LOXL2: variants seen among roughly 807,000 people sequenced by gnomAD.
The protein encoded by LOXL2 is lysyl oxidase like 2.
LOXL2 carries 70 observed loss-of-function variants against 93.0 expected under a neutral mutation model. The observed-to-expected ratio is 0.75, with a 90% CI of 0.62 to 0.92. LOXL2 has a LOEUF of 0.92. Ranked by LOEUF, LOXL2 falls within the 40% of genes least tolerant of loss-of-function variation. LOXL2 has a pLI of 0.00. For synonymous variants in LOXL2, 438 were observed against 413.2 expected (o/e 1.06, Z -0.73); for missense variants, 973 against 1,054.9 (o/e 0.92, Z 1.08).
chr8:23,342,650 C>G (rs1803902183), intron 3 of LOXL2, among the ~76,000 whole-genome samples: 1 of 152,184 alleles, frequency 6.6e-6, no homozygotes, highest in Non-Finnish European at 1.5e-5. Context: ...CCAGGATGGT[C>G]TCGATTTCCT....
chr8:23,317,310 G>C (rs79320561), intron 8 of LOXL2, among the ~76,000 whole-genome samples, 196 bp from the exon 9 acceptor site: 104,005 of 151,886 alleles, frequency 0.68, 36,184 homozygotes, highest in Non-Finnish European at 0.75. Context: ...GGTCTCCTGA[G>C]TGTAGCACTT....
chr8:23,392,143 C>T (rs1804854333), intron 1 of LOXL2, among the ~76,000 whole-genome samples: 1 of 152,210 alleles, frequency 6.6e-6, no homozygotes, highest in Admixed American at 6.5e-5. Context: ...GACAGCCAAA[C>T]CCAGAGAACC....
Position 23,316,929 on chromosome 8 carries a change from G to T in LOXL2, c.1636+20C>A. On this transcript the variant is annotated intron_variant, in intron 9 of 13. Coordinates refer to ENST00000389131, the MANE Select transcript of LOXL2 (RefSeq NM_002318.3). ...GGTCCCCTTGGGAGCCCGGTGGGGAGGGAGGGGAGGAGCTCTCACTTTCTG... is the reference window on the plus strand; with the variant it reads ...GGTCCCCTTGGGAGCCCGGTGGGGATGGAGGGGAGGAGCTCTCACTTTCTG... The T allele has an allele frequency of 6.4e-7, 1 of 1,564,324 alleles. No homozygotes were observed. Among genetic ancestry groups the T allele is most frequent in the Non-Finnish European group, 8.7e-7 (1 of 1,154,794 alleles).
chr8:23,333,683 C>T, intron 4 of LOXL2, 60 bp from the exon 5 acceptor site: 2 of 1,377,178 alleles, frequency 1.5e-6, no homozygotes, highest in Non-Finnish European at 2.0e-6. Flanking sequence ...CCGATTCCTT[C>T]TGCAACGAGG....
rs1254342379 is a variant in LOXL2, at chr8:23,319,870, G to A, written c.1470+15C>T. 3 of 1,611,406 alleles carry A rather than the reference G, an allele frequency of 1.9e-6. No homozygotes were observed. Among genetic ancestry groups the A allele is most frequent in the Non-Finnish European group, 2.5e-6 (3 of 1,179,532 alleles). ...ATGGGGGGTGAATGCGGGGTCTGAG[G>A]CCGGGGCTTCTCACCTGGAAGGCGT... On this transcript the variant is annotated intron_variant, in intron 8 of 13. Coordinates refer to ENST00000389131, the MANE Select transcript of LOXL2 (RefSeq NM_002318.3).
chr8:23,322,430 CT>C (rs1436082258), intron 6 of LOXL2, 149 bp from the exon 7 acceptor site: 43 of 635,156 alleles, frequency 6.8e-5, no homozygotes, highest in Middle Eastern at 3.9e-4. Context: ...ACCCAAGCCT[CT>C]TCTCCCCAGA....
chr8:23,335,478 A>G lies in LOXL2; in HGVS notation c.744-1855T>C, dbSNP rs117909201. Among the ~76,000 whole-genome samples the G allele has an allele frequency of 2.6e-3, 401 of 152,310 alleles. 22 individuals carry two copies. The East Asian group carries it at 0.064, about 24-fold the overall frequency. The stretch of plus-strand genomic sequence containing the variant: ...AAATAAATAAAACTGTATTTGTTAA[A>G]GAAAAAAAAAGAAGAGTGACAGGAG... On this transcript the variant is annotated intron_variant, in intron 4 of 13. Transcript: ENST00000389131.
At chr8:23,375,795 T>C (rs141874547) in intron 1 of LOXL2, among the ~76,000 whole-genome samples, 18,343 of 152,202 alleles carry the variant, frequency 0.12, 1,361 homozygotes, top group Admixed American at 0.17. Context: ...TTTTGTATCC[T>C]GAGACTTTGC....
intron 3 of LOXL2, among the ~76,000 whole-genome samples, chr8:23,349,654 C>T (rs1376605595): frequency 1.3e-5 from 2 of 151,958 alleles, no homozygotes; most frequent in African/African-American, 4.8e-5. Context: ...TACTGACTAT[C>T]TTGCACTAGG....
intron 1 of LOXL2, among the ~76,000 whole-genome samples, chr8:23,386,211 G>T (rs1804757664): frequency 6.6e-6 from 1 of 152,174 alleles, no homozygotes; most frequent in South Asian, 2.1e-4. Context: ...GGCTAACATG[G>T]TGAAATCCCA....
At chr8:23,298,263 G>A (rs1803071906) in intron 13 of LOXL2, 141 bp from the exon 14 acceptor site, 1 of 639,750 alleles carries the variant, frequency 1.6e-6, no homozygotes, top group Non-Finnish European at 2.8e-6. Flanking sequence ...GCCAGGCACT[G>A]GCCATCTCTA....
chr8:23,353,487 G>C (rs1269210081), intron 3 of LOXL2, among the ~76,000 whole-genome samples: 1 of 152,168 alleles, frequency 6.6e-6, no homozygotes, highest in Non-Finnish European at 1.5e-5. Context: ...TCAGTGACTG[G>C]ACATAACAGC....
At chr8:23,323,704 TTG>T (rs1491096063) in intron 6 of LOXL2, among the ~76,000 whole-genome samples, 11 of 135,792 alleles carry the variant, frequency 8.1e-5, no homozygotes, top group Non-Finnish European at 1.4e-4. Context: ...GATTTTTTTT[TTG>T]GGGGGGTGGG....
intron 3 of LOXL2, among the ~76,000 whole-genome samples, chr8:23,349,333 G>T (rs1487690356): frequency 6.6e-6 from 1 of 152,114 alleles, no homozygotes; most frequent in African/African-American, 2.4e-5. Context: ...TCCGCGTTAG[G>T]CCCATACCCT....
intron 3 of LOXL2, among the ~76,000 whole-genome samples, chr8:23,358,492 C>T (rs532930177): frequency 1.4e-4 from 21 of 152,354 alleles, no homozygotes; most frequent in Non-Finnish European, 5.9e-5. Flanking sequence ...CAGCTGGAGG[C>T]TGAAGCACAG....
At chr8:23,338,111 G>T (rs544845196) in intron 4 of LOXL2, among the ~76,000 whole-genome samples, 1 of 152,184 alleles carries the variant, frequency 6.6e-6, no homozygotes, top group East Asian at 1.9e-4. Flanking sequence ...GCGTGTGCAG[G>T]GGAACTGGCC....
At chr8:23,368,842 A>AGGGAGCTATCTCTT (rs1554482301) in intron 1 of LOXL2, among the ~76,000 whole-genome samples, 2 of 151,592 alleles carry the variant, frequency 1.3e-5, no homozygotes, top group African/African-American at 2.4e-5. Context: ...AGACTGGCAG[A>AGGGAGCTATCTCTT]GGGAGCTGTC....
chr8:23,316,982 C>T lies in LOXL2; in HGVS notation c.1603G>A (p.Val535Met). The change falls in exon 9 of 14, where the codon GTG becomes ATG. Residue 535 changes from valine to methionine, a missense_variant. By Grantham distance (21) the Val-to-Met change is conservative. Transcript: ENST00000389131. ...CAGGCAACTCCGGCCCCGTACTGCA[C>T]TCCGCCCTGGGGGCAGGCCACGTCC... ...GEDVACPQGGVQYGAGVACSE... is the reference protein window; with the variant it reads ...GEDVACPQGGMQYGAGVACSE... The T allele has an allele frequency of 6.2e-7, 1 of 1,613,460 alleles. No individual in the cohort carries two copies. The highest frequency in any genetic ancestry group is 8.5e-7 in the Non-Finnish European group (1 of 1,179,654).
intron 1 of LOXL2, among the ~76,000 whole-genome samples, chr8:23,371,564 A>G (rs1804494379): frequency 6.6e-6 from 1 of 151,776 alleles, no homozygotes; most frequent in African/African-American, 2.4e-5. Context: ...CATCCCGGCT[A>G]ACACGGTGAA....
Sources: allele counts gnomAD v4.1 joint callset (sites outside exome capture counted in the v4.1 genomes callset), GRCh38; gene constraint gnomAD v4.1.1; transcripts MANE v1.5; gene names NCBI Gene and HGNC (gene_info 2026-07-23, HGNC 2026-07-21).